The following AAK1 variants were observed in gnomAD, a reference collection of about 807,000 sequenced individuals.
AAK1 encodes AP2-associated protein kinase 1.
In AAK1, 37 loss-of-function variants were observed where a neutral mutation model predicts 116.0. The observed-to-expected ratio is 0.32, with a 90% CI of 0.25 to 0.42. The LOEUF (loss-of-function observed/expected upper bound fraction) is 0.42. Among genes scored for constraint, AAK1 ranks in the 10% least tolerant of loss-of-function variants. The probability of loss-of-function intolerance (pLI) is 1.00; values close to 1 mark genes in which losing one functional copy is unlikely to be tolerated. For missense variants in AAK1, 919 were observed against 1,170.6 expected (o/e 0.79, Z 3.14); for synonymous variants, 458 against 439.9 (o/e 1.04, Z -0.51).
At chr2:69,547,341 A>G (rs1670969983) in intron 3 of AAK1, among the ~76,000 whole-genome samples, 1 of 152,252 alleles carries the variant, frequency 6.6e-6, no homozygotes, top group South Asian at 2.1e-4. Flanking sequence ...GGAATGGAAG[A>G]AAATATTTAC....
At chr2:69,505,057 C>T (rs1676126283) in intron 16 of AAK1, among the ~76,000 whole-genome samples, 1 of 152,052 alleles carries the variant, frequency 6.6e-6, no homozygotes, top group African/African-American at 2.4e-5. Context: ...AAAAAACCTC[C>T]CTCCTTTTTT....
rs1337511569 is a variant in AAK1 at position 69,472,814 on chromosome 2, T to C, written c.*3055A>G. On this transcript the variant is annotated 3_prime_UTR_variant, in exon 22 of 22. Transcript: ENST00000409085. The stretch of plus-strand genomic sequence containing the variant: ...AAAGAAATCTTCTGATACCATTTTA[T>C]TAGAATAGGTAGGTGTGTGTCCACG... 1 of 985,588 alleles carries C rather than the reference T, an allele frequency of 1.0e-6. No homozygotes were observed. The highest frequency in any genetic ancestry group is 1.2e-6 in the Non-Finnish European group (1 of 829,846). The allele number at this position is 985,588 out of a possible 1,614,324, so 61.1% of individuals were successfully genotyped here.
chr2:69,614,630 C>G (rs1347081788), intron 2 of AAK1, among the ~76,000 whole-genome samples: 1 of 152,184 alleles, frequency 6.6e-6, no homozygotes, highest in African/African-American at 2.4e-5. Context: ...ATGGTTCCCC[C>G]AAAAGAAAGG....
At chr2:69,522,368 T>C (rs536571836) in intron 10 of AAK1, among the ~76,000 whole-genome samples, 11 of 152,332 alleles carry the variant, frequency 7.2e-5, no homozygotes, top group Admixed American at 5.9e-4. Flanking sequence ...AACTTTGCAC[T>C]GGCAACCTGT....
At chr2:69,585,592 T>C (rs1280637365) in intron 2 of AAK1, among the ~76,000 whole-genome samples, 1 of 152,186 alleles carries the variant, frequency 6.6e-6, no homozygotes, top group Non-Finnish European at 1.5e-5. Context: ...CAGAGTCCTG[T>C]CCAAAGTCCT....
In AAK1 at chr2:69,467,690, C is replaced by T; in HGVS notation, c.*8179G>A. On this transcript the variant is annotated 3_prime_UTR_variant, in exon 22 of 22. Transcript: ENST00000409085. Reference sequence around the variant, plus strand: ...ATCCCCTTCCCATACTGACCCTCTCCCCTCCTATGCAAACCATTAGCTAGC... The same window carrying T: ...ATCCCCTTCCCATACTGACCCTCTCTCCTCCTATGCAAACCATTAGCTAGC... 1 of 985,378 alleles carries T rather than the reference C, an allele frequency of 1.0e-6. No homozygotes were observed. Among genetic ancestry groups the T allele is most frequent in the Non-Finnish European group, 1.2e-6 (1 of 829,924 alleles). The allele number at this position is 985,378 out of a possible 1,614,324, so 61.0% of individuals were successfully genotyped here. A position where few individuals can be genotyped will look rare whatever the true frequency, so the allele number is the denominator to read the frequency against.
At chr2:69,631,412 T>C (rs1162419008) in intron 2 of AAK1, among the ~76,000 whole-genome samples, 1 of 152,250 alleles carries the variant, frequency 6.6e-6, no homozygotes, top group Non-Finnish European at 1.5e-5. Context: ...ATCAATGCTA[T>C]GCTTAGCCTT....
At chr2:69,640,079 T>TCTCTCTCTCTCTCTCTCTC (rs746154277) in intron 2 of AAK1, among the ~76,000 whole-genome samples, 1 of 136,422 alleles carries the variant, frequency 7.3e-6, no homozygotes, top group East Asian at 2.3e-4. Flanking sequence ...TCTCTCTCTC[T>TCTCTCTCTCTCTCTCTCTC]CCCCCCCCAC....
Position 69,459,853 on chromosome 2 carries a change from T to C in AAK1, c.*16016A>G, listed in dbSNP as rs2104849938. ...ACTCTTCTTTTCCTTTAGTGATGTTTTCAGTAACAAACTTGCAAGTGTTCT... is the reference window on the plus strand; with the variant it reads ...ACTCTTCTTTTCCTTTAGTGATGTTCTCAGTAACAAACTTGCAAGTGTTCT... On this transcript the variant is annotated 3_prime_UTR_variant, in exon 22 of 22. Transcript: ENST00000409085. The C allele has an allele frequency of 6.6e-6, 1 of 151,948 alleles. No individual in the cohort carries two copies. The highest frequency in any genetic ancestry group is 3.4e-3 in the Middle Eastern group (1 of 294). 9.4% of individuals were successfully genotyped at this position (151,948 alleles called of 1,614,324 possible). A position where few individuals can be genotyped will look rare whatever the true frequency, so the allele number is the denominator to read the frequency against.
intron 20 of AAK1, among the ~76,000 whole-genome samples, chr2:69,477,336 G>A (rs1406736844): frequency 6.6e-6 from 1 of 152,062 alleles, no homozygotes; most frequent in African/African-American, 2.4e-5. Flanking sequence ...TTCACTGAGG[G>A]AACAGAGGCC....
chr2:69,622,592 A>G (rs1170853131), intron 2 of AAK1, among the ~76,000 whole-genome samples: 5 of 152,110 alleles, frequency 3.3e-5, no homozygotes, highest in Admixed American at 3.3e-4. Context: ...CTCAAGGCTT[A>G]TAAACACACC....
In AAK1 at chr2:69,473,665, A is replaced by G; in HGVS notation, c.*2204T>C. On this transcript the variant is annotated 3_prime_UTR_variant, in exon 22 of 22. Coordinates refer to ENST00000409085, the MANE Select transcript of AAK1 (RefSeq NM_014911.5). ...ACAATTTAGAGATACCTAATTTCTA[A>G]ACTGTACTCTTCATAGTTTCAATTA... 1.0e-6 allele frequency: 1 copy of G among 971,710 alleles called. No individual in the cohort carries two copies. Among genetic ancestry groups the G allele is most frequent in the Non-Finnish European group, 1.2e-6 (1 of 817,140 alleles). The allele number at this position is 971,710 out of a possible 1,614,324, so 60.2% of individuals were successfully genotyped here.
chr2:69,489,312 G>A (rs988230285), intron 17 of AAK1, among the ~76,000 whole-genome samples: 7 of 151,952 alleles, frequency 4.6e-5, no homozygotes, highest in African/African-American at 9.7e-5. Context: ...TTAGCCAGGC[G>A]TGGTGGCGCA....
chr2:69,492,874 T>A (rs541477672), intron 17 of AAK1, among the ~76,000 whole-genome samples: 1 of 151,978 alleles, frequency 6.6e-6, no homozygotes, highest in Non-Finnish European at 1.5e-5. Context: ...TGAGCATGTA[T>A]GCAAAACAAA....
At position 69,482,781 on chromosome 2, in the gene AAK1, G is replaced by A; in HGVS notation, c.2397C>T (p.Asp799=). The A allele has an allele frequency of 1.2e-6, 2 of 1,613,756 alleles. No homozygotes were observed. Among genetic ancestry groups the A allele is most frequent in the Non-Finnish European group, 1.7e-6 (2 of 1,179,658 alleles). Residue 799 remains aspartate, a synonymous_variant, in exon 18 of 22, where the codon GAC becomes GAT. Coordinates refer to ENST00000409085, the MANE Select transcript of AAK1 (RefSeq NM_014911.5). ...EKLIEGLKSP[D]TSLLLPDLLP... is the part of the protein sequence containing the mutation. ...AGAGGTCAGGGAGCAGAAGAGAAGT[G>A]TCAGGAGATTTGAGTCCCTCAATTA...
intron 2 of AAK1, among the ~76,000 whole-genome samples, chr2:69,593,574 A>C (rs1673129385): frequency 6.6e-6 from 1 of 152,050 alleles, no homozygotes; most frequent in Non-Finnish European, 1.5e-5. Flanking sequence ...GAAGAGCTAA[A>C]TACCATACTA....
chr2:69,609,757 T>C (rs1007364633), intron 2 of AAK1, among the ~76,000 whole-genome samples: 16 of 150,832 alleles, frequency 1.1e-4, no homozygotes, highest in Middle Eastern at 3.2e-3. Flanking sequence ...ATTAGAAAAA[T>C]AACAAAATTG....
chr2:69,540,857 T>A lies in AAK1; in HGVS notation c.534+1666A>T, dbSNP rs1297877577. Among the ~76,000 whole-genome samples, 3 of 152,226 alleles carry A rather than the reference T, an allele frequency of 2.0e-5. No homozygotes were observed. The East Asian group carries it at 5.8e-4, about 29-fold the overall frequency. Reference sequence around the variant, plus strand: ...AGCCAAAAAGTGAAAACAACTCGAATGTTCATCAGTGAATGAATGGATAAA... The same window carrying A: ...AGCCAAAAAGTGAAAACAACTCGAAAGTTCATCAGTGAATGAATGGATAAA... On this transcript the variant is annotated intron_variant, in intron 5 of 21. Coordinates refer to ENST00000409085, the MANE Select transcript of AAK1 (RefSeq NM_014911.5).
At chr2:69,524,159 A>G (rs1669913459) in intron 10 of AAK1, among the ~76,000 whole-genome samples, 1 of 152,258 alleles carries the variant, frequency 6.6e-6, no homozygotes, top group South Asian at 2.1e-4. Context: ...GGTTGGAGCC[A>G]TAGAAAGTAA....
Sources: gnomAD v4.1 joint callset for allele counts (sites outside exome capture counted in the v4.1 genomes callset) on GRCh38, gnomAD v4.1.1 for gene constraint, MANE v1.5 for transcripts, NCBI Gene and HGNC (gene_info 2026-07-23, HGNC 2026-07-21) for gene names.